The following WDTC1 variants were observed in gnomAD, a reference collection of about 807,000 sequenced individuals.
WDTC1 encodes the protein WD and tetratricopeptide repeats protein 1.
A neutral mutation model predicts 76.0 loss-of-function variants in WDTC1; 12 were observed. The ratio of observed to expected loss-of-function variants is 0.16; its 90% confidence interval spans 0.10 to 0.26. The LOEUF (loss-of-function observed/expected upper bound fraction) is 0.26. Among genes scored for constraint, WDTC1 ranks in the 10% least tolerant of loss-of-function variants. The pLI, the probability that WDTC1 is intolerant of heterozygous loss-of-function variation, is 1.00. For missense variants in WDTC1, 511 were observed against 908.8 expected (o/e 0.56, Z 5.63); for synonymous variants, 326 against 350.8 (o/e 0.93, Z 0.79).
chr1:27,241,879 T>C (rs2011638784), intron 1 of WDTC1, among the ~76,000 whole-genome samples: 1 of 151,582 alleles, frequency 6.6e-6, no homozygotes, highest in Admixed American at 6.6e-5. Context: ...CTGGGTGTGA[T>C]GTCTCACACT....
At chr1:27,304,014 G>A (rs2013894587) in intron 14 of WDTC1, 1 of 554,672 alleles carries the variant, frequency 1.8e-6, no homozygotes, top group African/African-American at 2.0e-5. Flanking sequence ...GGACTAATAA[G>A]ATAACCCAAG....
At chr1:27,235,878 A>T (rs1332689743) in intron 1 of WDTC1, among the ~76,000 whole-genome samples, 1 of 152,106 alleles carries the variant, frequency 6.6e-6, no homozygotes, top group East Asian at 1.9e-4. Context: ...TGATTTTAGG[A>T]GCCTGGTAGG....
At chr1:27,255,728 G>A (rs2012255447) in intron 1 of WDTC1, among the ~76,000 whole-genome samples, 1 of 151,942 alleles carries the variant, frequency 6.6e-6, no homozygotes, top group Non-Finnish European at 1.5e-5. Context: ...TCCACCACAC[G>A]CAGCTAATTT....
intron 1 of WDTC1, among the ~76,000 whole-genome samples, chr1:27,251,410 T>G (rs151215883): frequency 0.011 from 1,724 of 152,246 alleles, 18 homozygotes; most frequent in Admixed American, 0.019. Context: ...TGTCTTCTTC[T>G]GTGCCTTAAG....
Position 27,293,896 on chromosome 1 carries a change from G to A in WDTC1, c.663-126G>A, listed in dbSNP as rs2013610011. The A allele has an allele frequency of 4.9e-6, 4 of 819,428 alleles. No homozygotes were observed. In the African/African-American group the frequency reaches 5.2e-5, roughly 11 times the overall value. 50.8% of individuals were successfully genotyped at this position (819,428 alleles called of 1,614,324 possible). A position where few individuals can be genotyped will look rare whatever the true frequency, so the allele number is the denominator to read the frequency against. ...GTTGGTGGGCCTTTGGGGTTGCTTA[G>A]GTAAGGAGGAAAAATACCTCCTGTA... On this transcript the variant is annotated intron_variant, in intron 7 of 15. Transcript: ENST00000319394.
intron 12 of WDTC1, among the ~76,000 whole-genome samples, chr1:27,299,905 G>T (rs2013788624): frequency 6.6e-6 from 1 of 152,166 alleles, no homozygotes; most frequent in African/African-American, 2.4e-5. Flanking sequence ...CCCCAGGGCT[G>T]CCATCTGCTC....
intron 1 of WDTC1, among the ~76,000 whole-genome samples, chr1:27,236,440 C>T (rs965942959): frequency 2.6e-5 from 4 of 152,190 alleles, no homozygotes; most frequent in African/African-American, 9.7e-5. Flanking sequence ...GGGAGCACTT[C>T]TGTTCGAGTC....
rs932005536 is a variant in WDTC1, at chr1:27,303,902, C to T, written c.1643+107C>T. The T allele has an allele frequency of 2.1e-6, 3 of 1,450,824 alleles. No individual in the cohort carries two copies. The highest frequency in any genetic ancestry group is 2.8e-6 in the Non-Finnish European group (3 of 1,063,614). 89.9% of individuals were successfully genotyped at this position (1,450,824 alleles called of 1,614,324 possible). A position where few individuals can be genotyped will look rare whatever the true frequency, so the allele number is the denominator to read the frequency against. On this transcript the variant is annotated intron_variant, in intron 14 of 15. Transcript: ENST00000319394. The surrounding 1 kb of genome is among the most constrained non-coding windows in gnomAD (Gnocchi z 4.8). ...AGAAGAATCTCAAATCCCTGCTCTG[C>T]CTCTGTACCCTTGGGCAAATGGCTT...
Position 27,296,821 on chromosome 1 carries a change from G to GCCCTAGCCCCAGCCCCAC in WDTC1, c.950-224_950-223insTAGCCCCAGCCCCACCCC, listed in dbSNP as rs2013704878. On this transcript the variant is annotated intron_variant, in intron 10 of 15. Transcript: ENST00000319394. ...AGCCCCAGCCCTAGCCCCAGCCCCA[G>GCCCTAGCCCCAGCCCCAC]CCCCAGCTGAGTAATGCCACGGTGA... 3.8e-4 allele frequency among the ~76,000 whole-genome samples: 34 copies of GCCCTAGCCCCAGCCCCAC among 89,858 alleles called. 1 individual carries two copies. Among genetic ancestry groups the GCCCTAGCCCCAGCCCCAC allele is most frequent in the Non-Finnish European group, 6.6e-5 (3 of 45,718 alleles). 59.0% of individuals were successfully genotyped at this position (89,858 alleles called of 152,430 possible).
chr1:27,239,482 A>G (rs1436044755), intron 1 of WDTC1, among the ~76,000 whole-genome samples: 1 of 143,214 alleles, frequency 7.0e-6, no homozygotes, highest in East Asian at 2.1e-4. Context: ...AGACTGCGCT[A>G]CTGAACTCCA....
At chr1:27,265,950 GA>G (rs921406766) in intron 3 of WDTC1, among the ~76,000 whole-genome samples, 13 of 148,974 alleles carry the variant, frequency 8.7e-5, no homozygotes, top group Non-Finnish European at 1.6e-4. Flanking sequence ...CTCCATCTCA[GA>G]AAAAAAAAAT....
rs2013958495 is a variant in WDTC1 at position 27,306,472 on chromosome 1, C to T, written c.*89C>T. ...AGGGGATTCTGTTTTGGTTTGTCTT[C>T]CCCACCACCCTTTTTTTTCATTTCC... On this transcript the variant is annotated 3_prime_UTR_variant, in exon 16 of 16. Transcript: ENST00000319394. The surrounding 1 kb of genome is among the most constrained non-coding windows in gnomAD (Gnocchi z 5.0). The T allele has an allele frequency of 1.4e-6, 2 of 1,416,176 alleles. No individual in the cohort carries two copies. The highest frequency in any genetic ancestry group is 1.9e-6 in the Non-Finnish European group (2 of 1,061,992). 87.7% of individuals were successfully genotyped at this position (1,416,176 alleles called of 1,614,324 possible).
chr1:27,262,329 A>G (rs2012506210), intron 2 of WDTC1, among the ~76,000 whole-genome samples: 1 of 152,102 alleles, frequency 6.6e-6, no homozygotes, highest in East Asian at 1.9e-4. Flanking sequence ...TACATGAGCC[A>G]TGTACTTGGC....
rs1312077703 is a variant in WDTC1, at chr1:27,301,904, A to G, written c.1468+443A>G. 2.0e-5 allele frequency among the ~76,000 whole-genome samples: 3 copies of G among 152,282 alleles called. No homozygotes were observed. The highest frequency in any genetic ancestry group is 2.1e-4 in the South Asian group (1 of 4,820). ...TAGCGCAGAGCAGTAGAAATGCCTC[A>G]GGCTTGGAATGTGGGGCCTCGGTTC... On this transcript the variant is annotated intron_variant, in intron 13 of 15. Coordinates refer to ENST00000319394, the MANE Select transcript of WDTC1 (RefSeq NM_001276252.2). The surrounding 1 kb of genome is among the most constrained non-coding windows in gnomAD (Gnocchi z 5.8).
chr1:27,273,081 A>AG (rs2012916372), intron 3 of WDTC1, among the ~76,000 whole-genome samples: 1 of 152,134 alleles, frequency 6.6e-6, no homozygotes, highest in Non-Finnish European at 1.5e-5. Flanking sequence ...AACTAATTCT[A>AG]GTCTTGGGAC....
At chr1:27,260,595 G>A (rs1281497304) in intron 1 of WDTC1, among the ~76,000 whole-genome samples, 1 of 152,140 alleles carries the variant, frequency 6.6e-6, no homozygotes, top group Non-Finnish European at 1.5e-5. Context: ...AAGTTCAGAC[G>A]AGCTGCCACA....
upstream of WDTC1, chr1:27,234,599 G>C (rs1343850339): frequency 2.5e-6 from 1 of 393,142 alleles, no homozygotes; most frequent in East Asian, 3.6e-5. Flanking sequence ...GCGCAGGGCG[G>C]AGGCGGAGAC....
chr1:27,239,971 C>T (rs1272893670), intron 1 of WDTC1, among the ~76,000 whole-genome samples: 1 of 151,748 alleles, frequency 6.6e-6, no homozygotes, highest in African/African-American at 2.4e-5. Context: ...TCACTGCAAC[C>T]TCCGCCTCCT....
intron 1 of WDTC1, among the ~76,000 whole-genome samples, chr1:27,257,157 C>T (rs1156750603): frequency 3.3e-5 from 5 of 152,142 alleles, no homozygotes; most frequent in East Asian, 1.9e-4. Context: ...CCACCGTGCC[C>T]GGCCTGGCAA....
Sources: allele counts gnomAD v4.1 joint callset (sites outside exome capture counted in the v4.1 genomes callset), GRCh38; gene constraint gnomAD v4.1.1; non-coding constraint Gnocchi (gnomAD v3.1); transcripts MANE v1.5; gene names NCBI Gene and HGNC (gene_info 2026-07-23, HGNC 2026-07-21).